NR3C2: variants seen among roughly 807,000 people sequenced by gnomAD.
NR3C2 encodes mineralocorticoid receptor.
In NR3C2, 15 loss-of-function variants were observed where a neutral mutation model predicts 86.4. The observed-to-expected ratio is 0.17, with a 90% CI of 0.12 to 0.27. NR3C2 has a LOEUF of 0.27. Ranked by LOEUF, NR3C2 falls within the 10% of genes least tolerant of loss-of-function variation. NR3C2 has a pLI of 1.00. For missense variants in NR3C2, 960 were observed against 1,195.6 expected (o/e 0.80, Z 2.91); for synonymous variants, 458 against 450.5 (o/e 1.02, Z -0.21).
At position 148,150,476 on chromosome 4, in the gene NR3C2, C is replaced by T. The variant is rs571133870; in HGVS notation, c.2510+1993G>A. On this transcript the variant is annotated intron_variant, in intron 6 of 8. Coordinates refer to ENST00000358102, the MANE Select transcript of NR3C2 (RefSeq NM_000901.5). Reference sequence around the variant, plus strand: ...CATAGCTTTCTTGAGCTAAAGAACACTAGCTAGCACTTCAGCACTACGTCT... The same window carrying T: ...CATAGCTTTCTTGAGCTAAAGAACATTAGCTAGCACTTCAGCACTACGTCT... Among the ~76,000 whole-genome samples, 7 of 152,310 alleles carry T rather than the reference C, an allele frequency of 4.6e-5. No homozygotes were observed. In the South Asian group the frequency reaches 1.4e-3, roughly 32 times the overall value.
chr4:148,297,859 A>T (rs2115800), intron 2 of NR3C2, among the ~76,000 whole-genome samples: 1 of 151,388 alleles, frequency 6.6e-6, no homozygotes, highest in Admixed American at 6.6e-5. Flanking sequence ...ATTGCACTCC[A>T]GCCTGGGCGA....
intron 2 of NR3C2, among the ~76,000 whole-genome samples, chr4:148,363,589 C>T (rs900022922): frequency 4.1e-5 from 6 of 146,592 alleles, no homozygotes; most frequent in East Asian, 2.1e-4. Flanking sequence ...CTGCAAGCTC[C>T]GCCTCCTGGG....
intron 4 of NR3C2, among the ~76,000 whole-genome samples, chr4:148,187,168 A>T: frequency 6.6e-6 from 1 of 151,508 alleles, no homozygotes; most frequent in Non-Finnish European, 1.5e-5. Context: ...TTGTGCTGTT[A>T]TAAACATGCG....
intron 6 of NR3C2, among the ~76,000 whole-genome samples, chr4:148,121,924 C>G (rs1440596105): frequency 6.6e-6 from 1 of 152,114 alleles, no homozygotes; most frequent in Non-Finnish European, 1.5e-5. Context: ...ACAAATGATG[C>G]CCAAGGAATA....
rs1183857313 is a variant in NR3C2 at position 148,436,470 on chromosome 4, C to G, written c.391G>C (p.Ala131Pro). The change falls in exon 2 of 9, where the codon GCT (alanine) becomes CCT (proline). Residue 131 changes from alanine (A) to proline (P), a missense_variant. Transcript: ENST00000358102. ...QQNQQGSMSP[A>P]KIYQNVEQLV... is the part of the protein sequence containing the mutation. ...TGTTCAACATTCTGATAAATCTTAG[C>G]TGGACTCATGCTTCCTTGTTGGTTC... 31 of 1,614,078 alleles carry G rather than the reference C, an allele frequency of 1.9e-5. No individual in the cohort carries two copies. Among genetic ancestry groups the G allele is most frequent in the Non-Finnish European group, 2.5e-5 (30 of 1,180,040 alleles).
At chr4:148,104,122 T>C (rs1042232320) in intron 8 of NR3C2, among the ~76,000 whole-genome samples, 1 of 152,206 alleles carries the variant, frequency 6.6e-6, no homozygotes, top group Non-Finnish European at 1.5e-5. Context: ...CCAGCTCTTA[T>C]CTACTTTAGG....
intron 5 of NR3C2, among the ~76,000 whole-genome samples, chr4:148,153,498 C>G (rs899745540): frequency 7.2e-5 from 11 of 152,116 alleles, no homozygotes; most frequent in Admixed American, 1.3e-4. Flanking sequence ...TTTATCACCT[C>G]CCCCATCTCC....
intron 2 of NR3C2, among the ~76,000 whole-genome samples, chr4:148,326,485 T>G (rs1743978740): frequency 6.6e-6 from 1 of 152,116 alleles, no homozygotes; most frequent in Non-Finnish European, 1.5e-5. Flanking sequence ...AAGTTTAAAG[T>G]TGCCCATGTT....
chr4:148,310,222 T>C (rs1255558521), intron 2 of NR3C2, among the ~76,000 whole-genome samples: 2 of 152,172 alleles, frequency 1.3e-5, no homozygotes, highest in African/African-American at 4.8e-5. Context: ...ATATCCTCAA[T>C]TCCTCCAGCT....
At chr4:148,220,542 G>A (rs1397003920) in intron 3 of NR3C2, among the ~76,000 whole-genome samples, 3 of 152,172 alleles carry the variant, frequency 2.0e-5, no homozygotes, top group East Asian at 1.9e-4. Context: ...ATGGTGGCTC[G>A]TGCCTGTAAT....
chr4:148,384,158 T>C (rs1182195069), intron 2 of NR3C2, among the ~76,000 whole-genome samples: 4 of 152,006 alleles, frequency 2.6e-5, no homozygotes, highest in African/African-American at 7.2e-5. Flanking sequence ...TGATCATTTA[T>C]AATAAATGAT....
At chr4:148,146,481 G>T (rs1439867545) in intron 6 of NR3C2, 2 of 152,514 alleles carry the variant, frequency 1.3e-5, no homozygotes, top group African/African-American at 2.4e-5. Flanking sequence ...GGCCCGGGGA[G>T]AACTCTCACT....
intron 2 of NR3C2, among the ~76,000 whole-genome samples, chr4:148,363,151 T>C (rs2126317222): frequency 6.6e-6 from 1 of 152,256 alleles, no homozygotes; most frequent in East Asian, 1.9e-4. Flanking sequence ...ATACGTGAAA[T>C]GACAGATGCC....
intron 2 of NR3C2, among the ~76,000 whole-genome samples, chr4:148,361,775 C>T (rs1454628905): frequency 1.3e-5 from 2 of 152,068 alleles, no homozygotes; most frequent in African/African-American, 2.4e-5. Context: ...TATAGGTAAC[C>T]ATATTTTCTG....
At chr4:148,192,748 T>C (rs1263848653) in intron 4 of NR3C2, among the ~76,000 whole-genome samples, 1 of 151,884 alleles carries the variant, frequency 6.6e-6, no homozygotes, top group Non-Finnish European at 1.5e-5. Context: ...ATGCAGGTTT[T>C]CAAGGAAGTG....
At chr4:148,381,019 G>C (rs1279809360) in intron 2 of NR3C2, among the ~76,000 whole-genome samples, 1 of 152,072 alleles carries the variant, frequency 6.6e-6, no homozygotes, top group African/African-American at 2.4e-5. Context: ...TTGTGCTCAG[G>C]AGTTTGAGAC....
chr4:148,269,357 C>A (rs555890548), intron 2 of NR3C2, among the ~76,000 whole-genome samples: 1 of 151,988 alleles, frequency 6.6e-6, no homozygotes, highest in Non-Finnish European at 1.5e-5. Context: ...TTGACCTTAT[C>A]GACGGTAGTT....
intron 2 of NR3C2, among the ~76,000 whole-genome samples, chr4:148,356,484 A>G (rs945409915): frequency 2.0e-5 from 3 of 152,222 alleles, no homozygotes; most frequent in Admixed American, 6.5e-5. Flanking sequence ...CCATTCATAA[A>G]GGTGTCACAT....
intron 4 of NR3C2, among the ~76,000 whole-genome samples, chr4:148,176,001 T>G (rs1735358537): frequency 6.6e-6 from 1 of 152,152 alleles, no homozygotes; most frequent in African/African-American, 2.4e-5. Context: ...AATAAAAATT[T>G]TAAATTGTTC....
Sources: allele counts gnomAD v4.1 joint callset (sites outside exome capture counted in the v4.1 genomes callset), GRCh38; gene constraint gnomAD v4.1.1; transcripts MANE v1.5; gene names NCBI Gene and HGNC (gene_info 2026-07-23, HGNC 2026-07-21).